KCNN2: variants seen among roughly 807,000 people sequenced by gnomAD.
KCNN2 encodes the protein potassium calcium-activated channel subfamily N member 2.
KCNN2 carries 24 observed loss-of-function variants against 55.5 expected under a neutral mutation model. The observed-to-expected ratio is 0.43, with a 90% confidence interval of 0.31 to 0.61. The LOEUF is 0.61. KCNN2 is among the 20% of genes least tolerant of loss of function. The pLI, the probability that KCNN2 is intolerant of heterozygous loss-of-function variation, is 0.08. For synonymous variants in KCNN2, 431 were observed against 336.1 expected, an observed-to-expected ratio of 1.28 and a Z score of -3.09; for missense variants, 754 against 853.6, an observed-to-expected ratio of 0.88 and a Z score of 1.45.
intron 2 of KCNN2, among the ~76,000 whole-genome samples, chr5:114,355,676 C>G (rs908753960): frequency 6.0e-5 from 9 of 150,914 alleles, no homozygotes; most frequent in African/African-American, 1.9e-4. Context: ...AGGAACCAAA[C>G]TGGATGCCTG....
At chr5:114,251,720 T>C (rs1754865220) in intron 2 of KCNN2, among the ~76,000 whole-genome samples, 1 of 152,184 alleles carries the variant, frequency 6.6e-6, no homozygotes, top group East Asian at 1.9e-4. Flanking sequence ...CATTGTACTT[T>C]GTTGGTTGCT....
chr5:114,468,668 A>G (rs944001348), intron 4 of KCNN2, among the ~76,000 whole-genome samples: 23 of 152,302 alleles, frequency 1.5e-4, no homozygotes, highest in African/African-American at 5.3e-4. Context: ...GTTTTTTATC[A>G]GAGCCATTCT....
At chr5:114,258,382 C>A (rs1041294892) in intron 2 of KCNN2, among the ~76,000 whole-genome samples, 1 of 152,108 alleles carries the variant, frequency 6.6e-6, no homozygotes, top group Non-Finnish European at 1.5e-5. Context: ...AGGATTCTAT[C>A]CTCCTCAATT....
chr5:114,346,929 A>ATGG (rs1757117426), intron 2 of KCNN2, among the ~76,000 whole-genome samples: 1 of 152,212 alleles, frequency 6.6e-6, no homozygotes, highest in Admixed American at 6.5e-5. Flanking sequence ...ACAGGGGCCA[A>ATGG]CCTGAAGGAG....
rs544923623 is a variant in KCNN2 at position 114,085,855 on chromosome 5, T to C, written c.-271+29355T>C. On this transcript the variant is annotated intron_variant, in intron 1 of 10. Transcript: ENST00000512097. ...ACCTCTAGTAATAGTTATTATGTTA[T>C]CCGTTCCTTTTTTAAGTTCTGTTCA... Among the ~76,000 whole-genome samples, 706 of 152,220 alleles carry C rather than the reference T, an allele frequency of 4.6e-3. 3 individuals are homozygous for C. The highest frequency in any genetic ancestry group is 0.022 in the South Asian group (107 of 4,826).
rs143555391 is a variant in KCNN2, at chr5:114,139,224, CAT to C, written c.-270-82255_-270-82254del. On this transcript the variant is annotated intron_variant, in intron 1 of 10. Coordinates refer to the KCNN2 transcript ENST00000512097. ...CATCTAAAAGTATTTTTGAAGAAGA[CAT>C]GTGGATAGTGTTTTTTGCATACTTG... Among the ~76,000 whole-genome samples, 936 of 152,144 alleles carry C rather than the reference CAT, an allele frequency of 6.2e-3. 3 individuals carry two copies. The highest frequency in any genetic ancestry group is 0.013 in the African/African-American group (560 of 41,528).
intron 2 of KCNN2, among the ~76,000 whole-genome samples, chr5:114,247,075 G>A (rs1281670274): frequency 5.3e-5 from 8 of 150,958 alleles, no homozygotes; most frequent in Non-Finnish European, 1.0e-4. Context: ...AGGCCGAGGC[G>A]GGCAGATCAC....
In KCNN2 at chr5:114,333,088, C is replaced by G. The variant is rs539847636; in HGVS notation, c.-184-27857C>G. On this transcript the variant is annotated intron_variant, in intron 2 of 10. Coordinates refer to the KCNN2 transcript ENST00000512097. Reference sequence around the variant, plus strand: ...TTGGCAACATACAGTGATTCACACCCTCTAAAAGTTTACAGTCAGAAAGAA... The same window carrying G: ...TTGGCAACATACAGTGATTCACACCGTCTAAAAGTTTACAGTCAGAAAGAA... Among the ~76,000 whole-genome samples, 11 of 152,262 alleles carry G rather than the reference C, an allele frequency of 7.2e-5. No homozygotes were observed. The South Asian group carries it at 2.3e-3, about 32-fold the overall frequency.
chr5:114,180,045 A>G (rs1411250471), intron 1 of KCNN2, among the ~76,000 whole-genome samples: 4 of 152,212 alleles, frequency 2.6e-5, no homozygotes, highest in African/African-American at 9.6e-5. Context: ...GATATTGGCC[A>G]TATGTCTTTT....
At chr5:114,338,949 G>A (rs1355966514) in intron 2 of KCNN2, among the ~76,000 whole-genome samples, 1 of 152,180 alleles carries the variant, frequency 6.6e-6, no homozygotes, top group Non-Finnish European at 1.5e-5. Context: ...AGAAAAATGT[G>A]AATTTCAGGA....
chr5:114,428,763 T>C (rs1391286377), intron 3 of KCNN2, among the ~76,000 whole-genome samples: 2 of 152,126 alleles, frequency 1.3e-5, no homozygotes, highest in Non-Finnish European at 2.9e-5. Context: ...CAATCACTGA[T>C]CTTTTCATTG....
At chr5:114,454,219 C>A (rs1028329791) in intron 3 of KCNN2, among the ~76,000 whole-genome samples, 2 of 152,118 alleles carry the variant, frequency 1.3e-5, no homozygotes, top group Non-Finnish European at 2.9e-5. Flanking sequence ...TTACATAGTT[C>A]AGGAGTCCTG....
chr5:114,146,103 C>A (rs564794211), intron 1 of KCNN2, among the ~76,000 whole-genome samples: 1 of 152,138 alleles, frequency 6.6e-6, no homozygotes, highest in African/African-American at 2.4e-5. Flanking sequence ...AAAATAGAAG[C>A]TTTTGACCAT....
chr5:114,476,435 A>ATT (rs140291470), intron 5 of KCNN2, among the ~76,000 whole-genome samples: 10 of 140,072 alleles, frequency 7.1e-5, no homozygotes, highest in South Asian at 2.3e-4. Context: ...TGACAGATCC[A>ATT]TTTTTTTTTT....
intron 1 of KCNN2, among the ~76,000 whole-genome samples, chr5:114,101,677 A>G (rs1211533491): frequency 6.6e-6 from 1 of 151,700 alleles, no homozygotes; most frequent in Non-Finnish European, 1.5e-5. Flanking sequence ...GAGTGAGAAC[A>G]TGTGGTGTTT....
chr5:114,165,918 T>C (rs1472777287), intron 1 of KCNN2, among the ~76,000 whole-genome samples: 1 of 152,096 alleles, frequency 6.6e-6, no homozygotes. Flanking sequence ...TTTTCAAGGG[T>C]CAACTGTACT....
intron 2 of KCNN2, among the ~76,000 whole-genome samples, chr5:114,281,615 C>G (rs950826746): frequency 6.6e-5 from 8 of 121,138 alleles, no homozygotes; most frequent in Non-Finnish European, 1.4e-4. Flanking sequence ...CTCTCCCCGC[C>G]CCTCCATCTC....
intron 2 of KCNN2, among the ~76,000 whole-genome samples, chr5:114,231,308 T>A (rs1754353076): frequency 1.8e-5 from 2 of 111,086 alleles, no homozygotes; most frequent in African/African-American, 7.8e-5. Flanking sequence ...ATTTGTCAAT[T>A]TTGGCTTTTG....
At position 114,496,060 on chromosome 5, in the gene KCNN2, A is replaced by T. The variant is rs1273472027; in HGVS notation, c.2254A>T (p.Ile752Phe). Residue 752 changes from isoleucine (I) to phenylalanine (F), a missense_variant, in exon 8 of 8, where the codon ATT becomes TTT. Ile to Phe is a conservative substitution (Grantham distance 21, BLOSUM62 0). Around this residue, in one of 4 missense-constraint regions of KCNN2, gnomAD observed 164 missense variants for 156.6 expected, o/e 1.05. Transcript: ENST00000673685. ...QTIRQQQRDF[I>F]EAQMESYDKH... is the part of the protein sequence containing the mutation. ...CATCAGGCAGCAGCAGAGAGATTTC[A>T]TTGAGGCTCAGATGGAGAGCTACGA... 3.7e-6 allele frequency: 6 copies of T among 1,613,062 alleles called. No homozygotes were observed. In the South Asian group the frequency reaches 6.6e-5, roughly 18 times the overall value.
Sources: allele counts gnomAD v4.1 joint callset (sites outside exome capture counted in the v4.1 genomes callset), GRCh38; gene constraint gnomAD v4.1.1; regional missense constraint gnomAD v4.1.1; transcripts MANE v1.5; gene names NCBI Gene and HGNC (gene_info 2026-07-23, HGNC 2026-07-21).